Variants in AQR observed in about 807,000 individuals in gnomAD.
AQR encodes the protein aquarius intron-binding spliceosomal factor, also known as RNA helicase aquarius.
AQR carries 61 observed loss-of-function variants against 180.5 expected under a neutral mutation model. That is an observed-to-expected ratio of 0.34 (90% confidence interval 0.28 to 0.42). AQR has a LOEUF of 0.42. Ranked by LOEUF, AQR falls within the 10% of genes least tolerant of loss-of-function variation. AQR has a pLI of 1.00. For missense variants in AQR, 1,281 were observed against 1,798.3 expected (o/e 0.71, Z 5.20); for synonymous variants, 551 against 588.8 (o/e 0.94, Z 0.93).
At chr15:34,885,097 A>G (rs950783539) in intron 25 of AQR, among the ~76,000 whole-genome samples, 3 of 152,188 alleles carry the variant, frequency 2.0e-5, no homozygotes, top group Non-Finnish European at 4.4e-5. Flanking sequence ...CTGGACAAAG[A>G]AATTGCTCAT....
At chr15:34,882,740 A>G in intron 26 of AQR, 101 bp from the exon 27 acceptor site, 1 of 1,058,876 alleles carries the variant, frequency 9.4e-7, no homozygotes, top group Non-Finnish European at 1.3e-6. Context: ...ATTAACATAA[A>G]TATATTATAA....
At position 34,897,709 on chromosome 15, in the gene AQR, C is replaced by G; in HGVS notation, c.2244-4G>C. The stretch of plus-strand genomic sequence containing the variant: ...ACTTCTTACTGGAAAAGTTATCCTA[C>G]AAGACCAAAACTTCTGTTCATTTTT... On this transcript the variant is annotated splice_polypyrimidine_tract_variant and splice_region_variant and intron_variant, in intron 20 of 34. Transcript: ENST00000156471. 1 of 1,613,524 alleles carries G rather than the reference C, an allele frequency of 6.2e-7. No individual in the cohort carries two copies.
At chr15:34,952,968 G>A (rs753511779) in intron 3 of AQR, 48 bp from the exon 4 acceptor site, 29 of 1,114,930 alleles carry the variant, frequency 2.6e-5, no homozygotes, top group East Asian at 5.4e-5. Context: ...GAATACAAAC[G>A]TTTCAGAGTT....
chr15:34,907,968 C>T (rs570878476), intron 17 of AQR, among the ~76,000 whole-genome samples: 2 of 152,264 alleles, frequency 1.3e-5, no homozygotes, highest in Admixed American at 6.5e-5. Context: ...TCCTTGCAAC[C>T]ATTTGTATCC....
intron 8 of AQR, among the ~76,000 whole-genome samples, chr15:34,940,484 C>T (rs904002813): frequency 2.6e-5 from 4 of 152,006 alleles, no homozygotes; most frequent in African/African-American, 9.7e-5. Context: ...GAGCCACAGT[C>T]GCACTATTGC....
intron 12 of AQR, among the ~76,000 whole-genome samples, chr15:34,927,709 G>A (rs147274419): frequency 2.5e-4 from 38 of 152,300 alleles, no homozygotes; most frequent in African/African-American, 8.7e-4. Context: ...CAGAGTGATT[G>A]AAATAATATC....
chr15:34,960,583 C>A (rs1259700205), intron 3 of AQR, among the ~76,000 whole-genome samples, 191 bp downstream of exon 3: 5 of 152,152 alleles, frequency 3.3e-5, no homozygotes, highest in Admixed American at 3.3e-4. Flanking sequence ...TACCTCTAAT[C>A]TGAGCCAAAA....
At chr15:34,953,507 T>C (rs1417788789) in intron 3 of AQR, among the ~76,000 whole-genome samples, 1 of 152,204 alleles carries the variant, frequency 6.6e-6, no homozygotes, top group Non-Finnish European at 1.5e-5. Flanking sequence ...AGGAAACCAC[T>C]ATCCTGTCAA....
chr15:34,866,012 T>C (rs1211940232), intron 32 of AQR, among the ~76,000 whole-genome samples: 2 of 152,206 alleles, frequency 1.3e-5, no homozygotes, highest in African/African-American at 2.4e-5. Flanking sequence ...AAAAAAATCA[T>C]TGAATTGTAC....
At chr15:34,952,629 G>A (rs550577742) in intron 4 of AQR, among the ~76,000 whole-genome samples, 2 of 152,302 alleles carry the variant, frequency 1.3e-5, no homozygotes, top group African/African-American at 4.8e-5. Context: ...CAGAAACCAA[G>A]TTTGAGTTCA....
intron 30 of AQR, among the ~76,000 whole-genome samples, chr15:34,872,965 T>C (rs1892841853): frequency 1.3e-5 from 2 of 152,174 alleles, no homozygotes; most frequent in Non-Finnish European, 1.5e-5. Context: ...TCTATATGTA[T>C]GTATTGCAGC....
chr15:34,858,320 C>CA (rs57627687), intron 34 of AQR, among the ~76,000 whole-genome samples: 1,012 of 85,968 alleles, frequency 0.012, 18 homozygotes, highest in African/African-American at 0.042. Flanking sequence ...ACGACAGCAG[C>CA]AAAAAAAAAA....
At chr15:34,935,470 G>A (rs1893931209) in intron 9 of AQR, among the ~76,000 whole-genome samples, 1 of 152,100 alleles carries the variant, frequency 6.6e-6, no homozygotes, top group African/African-American at 2.4e-5. Flanking sequence ...CAGATCTATA[G>A]AAGGCATCCT....
In AQR at chr15:34,910,254, A is replaced by G. The variant is rs1173715454; in HGVS notation, c.1544T>C (p.Val515Ala). 11 of 1,614,244 alleles carry G rather than the reference A, an allele frequency of 6.8e-6. No homozygotes were observed. The highest frequency in any genetic ancestry group is 8.5e-6 in the Non-Finnish European group (10 of 1,180,042). The change falls in exon 17 of 35, where the codon GTG (valine) becomes GCG (alanine). Residue 515 changes from valine to alanine, a missense_variant. Physicochemically the swap from Val to Ala is moderately conservative, Grantham distance 64 (BLOSUM62 0). This residue lies in a region of AQR where 200 missense variants were observed against 293.4 expected (regional missense o/e 0.68). Coordinates refer to ENST00000156471, the MANE Select transcript of AQR (RefSeq NM_014691.3). ...GGCCACTTCAACGACAGTGAAAGCC[A>G]CAATGGGCTGGGCCATTCGCGCCCA... The part of the protein sequence containing the change: ...GGWARMAQPI[V>A]AFTVVEVAKP...
intron 11 of AQR, among the ~76,000 whole-genome samples, chr15:34,931,485 T>C (rs964681849): frequency 6.6e-6 from 1 of 152,162 alleles, no homozygotes; most frequent in Non-Finnish European, 1.5e-5. Context: ...TATGATCTCA[T>C]TGAAAGATAG....
Position 34,946,010 on chromosome 15 carries a change from C to T in AQR, c.331-1582G>A, listed in dbSNP as rs185032446. Among the ~76,000 whole-genome samples the T allele has an allele frequency of 2.8e-3, 420 of 152,318 alleles. 1 individual carries two copies. The highest frequency in any genetic ancestry group is 9.6e-3 in the African/African-American group (398 of 41,576). ...AACAGGCCAGGCACAGTGACTCATG[C>T]CTGTAATCCCAGCACTTTGGGAGGC... On this transcript the variant is annotated intron_variant, in intron 5 of 34. Transcript: ENST00000156471.
At chr15:34,956,594 G>C (rs922316853) in intron 3 of AQR, among the ~76,000 whole-genome samples, 1 of 151,696 alleles carries the variant, frequency 6.6e-6, no homozygotes, top group Admixed American at 6.6e-5. Flanking sequence ...GGAGGTGGCA[G>C]TGAGCTGAGA....
At chr15:34,923,147 CTTA>C (rs1171701248) in intron 13 of AQR, among the ~76,000 whole-genome samples, 10 of 152,114 alleles carry the variant, frequency 6.6e-5, no homozygotes, top group African/African-American at 1.9e-4. Context: ...TAACTGTTCT[CTTA>C]TTATTATTGT....
At chr15:34,930,818 C>CTTTTTTTT (rs77229498) in intron 11 of AQR, among the ~76,000 whole-genome samples, 33 of 84,748 alleles carry the variant, frequency 3.9e-4, no homozygotes, top group Admixed American at 6.0e-4. Context: ...TACGCCACTT[C>CTTTTTTTT]TTTTTTTTTT....
Sources: gnomAD v4.1 joint callset for allele counts (sites outside exome capture counted in the v4.1 genomes callset) on GRCh38, gnomAD v4.1.1 for gene constraint, gnomAD v4.1.1 regional missense constraint, MANE v1.5 for transcripts, NCBI Gene and HGNC (gene_info 2026-07-23, HGNC 2026-07-21) for gene names.